The following GARNL3 variants were observed in gnomAD, a reference collection of about 807,000 sequenced individuals.
The protein encoded by GARNL3 is GTPase activating Rap/RanGAP domain like 3, also known as GTPase-activating Rap/Ran-GAP domain-like protein 3.
Under a neutral mutation model 125.0 loss-of-function variants are expected in GARNL3, and 63 were observed. The ratio of observed to expected loss-of-function variants is 0.50; its 90% CI spans 0.41 to 0.62. The LOEUF (loss-of-function observed/expected upper bound fraction) is 0.62, where lower values mean the gene tolerates loss of function less well. GARNL3 is among the 20% of genes least tolerant of loss of function. The pLI is 0.00. For synonymous variants in GARNL3, 439 were observed against 457.5 expected (o/e 0.96, Z 0.52); for missense variants, 994 against 1,244.0 (o/e 0.80, Z 3.02).
intron 22 of GARNL3, among the ~76,000 whole-genome samples, chr9:127,370,614 A>G (rs1831554763): frequency 6.6e-6 from 1 of 152,188 alleles, no homozygotes; most frequent in Admixed American, 6.5e-5. Context: ...AGATCTATCC[A>G]AGGAGACTTT....
chr9:127,341,615 A>G (rs1310094360), intron 13 of GARNL3, among the ~76,000 whole-genome samples: 2 of 152,178 alleles, frequency 1.3e-5, no homozygotes, highest in Non-Finnish European at 2.9e-5. Flanking sequence ...GGGGCTCAGG[A>G]AGACAGCATT....
chr9:127,347,792 C>T (rs1436489640), intron 16 of GARNL3, among the ~76,000 whole-genome samples: 2 of 152,086 alleles, frequency 1.3e-5, no homozygotes, highest in Non-Finnish European at 2.9e-5. Flanking sequence ...GCCTTTTTTC[C>T]ATTTACAAAA....
At chr9:127,300,629 A>G (rs1340023915) in intron 2 of GARNL3, 1 of 293,196 alleles carries the variant, frequency 3.4e-6, no homozygotes, top group African/African-American at 2.3e-5. Context: ...TAATTTTTGT[A>G]TTGTTAGTAG....
chr9:127,235,328 C>T (rs927109230), intron 1 of GARNL3, among the ~76,000 whole-genome samples: 14 of 151,242 alleles, frequency 9.3e-5, no homozygotes, highest in African/African-American at 2.7e-4. Context: ...AGGTAGGAAA[C>T]GTTTGAAAGA....
At position 127,332,359 on chromosome 9, in the gene GARNL3, C is replaced by G. The variant is rs866579090; in HGVS notation, c.670+10C>G. ...GAGATGTTCAGCAATGGTGAGTGAT[C>G]TCCTCCCGCTCTCTGCTGCCAGAGA... On this transcript the variant is annotated intron_variant, in intron 8 of 27. Coordinates refer to ENST00000373387, the MANE Select transcript of GARNL3 (RefSeq NM_032293.5). The G allele has an allele frequency of 1.9e-6, 3 of 1,609,698 alleles. No individual in the cohort carries two copies. The Admixed American group carries it at 5.0e-5, about 27-fold the overall frequency.
chr9:127,248,554 G>GACAGC (rs1377660527), intron 2 of GARNL3, among the ~76,000 whole-genome samples: 1 of 148,162 alleles, frequency 6.7e-6, no homozygotes, highest in Non-Finnish European at 1.5e-5. Context: ...ATGAAACACT[G>GACAGC]ACAGCAAGGA....
intron 3 of GARNL3, 104 bp downstream of exon 3, chr9:127,311,839 G>C: frequency 1.4e-6 from 1 of 722,132 alleles, no homozygotes; most frequent in East Asian, 2.7e-5. Flanking sequence ...GCCATTTTAG[G>C]AACACTAACA....
chr9:127,355,215 C>G, intron 19 of GARNL3, 82 bp from the exon 20 acceptor site: 1 of 1,146,544 alleles, frequency 8.7e-7, no homozygotes, highest in Non-Finnish European at 1.3e-6. Context: ...TCCAGGGTTC[C>G]TAGGTATTGC....
At chr9:127,300,206 C>G (rs1438296364) in intron 2 of GARNL3, 2 of 315,582 alleles carry the variant, frequency 6.3e-6, no homozygotes, top group African/African-American at 2.2e-5. Flanking sequence ...ATTTCTTCCT[C>G]TTCTGTTACT....
At chr9:127,277,792 A>G (rs116993684) in intron 1 of GARNL3, among the ~76,000 whole-genome samples, 1,639 of 152,164 alleles carry the variant, frequency 0.011, 18 homozygotes, top group Non-Finnish European at 0.018. Flanking sequence ...CATTTTTTCC[A>G]TGCAGCCTTA....
intron 2 of GARNL3, among the ~76,000 whole-genome samples, chr9:127,253,047 A>G (rs569554481): frequency 6.6e-6 from 1 of 152,332 alleles, no homozygotes; most frequent in Admixed American, 6.5e-5. Context: ...CTGAGGCAAC[A>G]TTTATAGCAT....
intron 15 of GARNL3, 95 bp from the exon 16 acceptor site, chr9:127,345,308 C>T (rs774833633): frequency 1.5e-6 from 1 of 669,044 alleles, no homozygotes; most frequent in Non-Finnish European, 2.5e-6. Context: ...CCTGCAATTA[C>T]TCCTGTTTTA....
At chr9:127,267,103 A>G (rs2063721482) in intron 1 of GARNL3, among the ~76,000 whole-genome samples, 1 of 152,206 alleles carries the variant, frequency 6.6e-6, no homozygotes, top group Admixed American at 6.5e-5. Flanking sequence ...TCATACTTTA[A>G]GAAGCTCTGC....
chr9:127,322,099 G>A (rs1311262460), intron 6 of GARNL3, among the ~76,000 whole-genome samples: 2 of 152,140 alleles, frequency 1.3e-5, no homozygotes, highest in African/African-American at 4.8e-5. Context: ...AACTGTAAGC[G>A]ACTTTAAGCC....
chr9:127,392,988 T>C lies in GARNL3; in HGVS notation c.2871-95T>C. 1 of 1,039,234 alleles carries C rather than the reference T, an allele frequency of 9.6e-7. No individual in the cohort carries two copies. The highest frequency in any genetic ancestry group is 1.4e-6 in the Non-Finnish European group (1 of 707,762). 64.4% of individuals were successfully genotyped at this position (1,039,234 alleles called of 1,614,324 possible). On this transcript the variant is annotated intron_variant, in intron 27 of 27. Coordinates refer to ENST00000373387, the MANE Select transcript of GARNL3 (RefSeq NM_032293.5). This position sits in a 1 kb window ranked among gnomAD's most constrained non-coding sequence, Gnocchi z 5.2. ...ACAGTGAGGGTTTGGTGAGCCAAACTCATGAGCTCAGATGAGCAGGAAATT... is the reference window on the plus strand; with the variant it reads ...ACAGTGAGGGTTTGGTGAGCCAAACCCATGAGCTCAGATGAGCAGGAAATT...
At chr9:127,232,961 C>T (rs781716897) in intron 1 of GARNL3, among the ~76,000 whole-genome samples, 1 of 152,114 alleles carries the variant, frequency 6.6e-6, no homozygotes, top group African/African-American at 2.4e-5. Context: ...GCCTGTAATC[C>T]CAAAATTTTT....
chr9:127,336,649 G>A (rs1420939181), intron 11 of GARNL3, among the ~76,000 whole-genome samples: 1 of 152,224 alleles, frequency 6.6e-6, no homozygotes, highest in Admixed American at 6.5e-5. Context: ...GGTAATCGCT[G>A]TTGTATTACC....
chr9:127,258,285 T>C (rs2812293), intron 2 of GARNL3, among the ~76,000 whole-genome samples: 120,180 of 152,108 alleles, frequency 0.79, 47,847 homozygotes, highest in African/African-American at 0.87. Context: ...TTTCTGCTTA[T>C]TTCCTACTTC....
intron 25 of GARNL3, among the ~76,000 whole-genome samples, chr9:127,387,730 G>A (rs1229173530): frequency 5.6e-5 from 8 of 143,632 alleles, no homozygotes; most frequent in East Asian, 2.0e-4. Flanking sequence ...GCGATAGAGC[G>A]AGACTCTGTC....
Sources: gnomAD v4.1 joint callset for allele counts (sites outside exome capture counted in the v4.1 genomes callset) on GRCh38, gnomAD v4.1.1 for gene constraint, Gnocchi (gnomAD v3.1) non-coding constraint, MANE v1.5 for transcripts, NCBI Gene and HGNC (gene_info 2026-07-23, HGNC 2026-07-21) for gene names.